NCOA3: variants seen among roughly 807,000 people sequenced by gnomAD.
NCOA3 encodes nuclear receptor coactivator 3.
NCOA3 carries 51 observed loss-of-function variants against 158.8 expected under a neutral mutation model. The observed-to-expected ratio is 0.32, with a 90% CI of 0.26 to 0.41. NCOA3 has a LOEUF of 0.41. NCOA3 is among the 10% of genes least tolerant of loss of function. NCOA3 has a pLI of 1.00. For synonymous variants in NCOA3, 537 were observed against 592.4 expected (o/e 0.91, Z 1.36); for missense variants, 1,510 against 1,746.6 (o/e 0.86, Z 2.41).
At chr20:47,579,157 C>G (rs1353690100) in intron 1 of NCOA3, among the ~76,000 whole-genome samples, 1 of 152,142 alleles carries the variant, frequency 6.6e-6, no homozygotes, top group African/African-American at 2.4e-5. Flanking sequence ...AAACCTAAAA[C>G]TAAAACAGGG....
intron 2 of NCOA3, 112 bp downstream of exon 2, chr20:47,583,373 GT>G (rs2085483882): frequency 7.7e-6 from 3 of 391,274 alleles, no homozygotes; most frequent in Non-Finnish European, 1.4e-5. Context: ...TATGCTTCAT[GT>G]TTTTCTCTTT....
chr20:47,569,689 C>T (rs1309026461), intron 1 of NCOA3, among the ~76,000 whole-genome samples: 1 of 150,132 alleles, frequency 6.7e-6, no homozygotes, highest in Non-Finnish European at 1.5e-5. Context: ...TCAACAACAG[C>T]AACAACAAAA....
chr20:47,644,247 C>G (rs377139921), intron 17 of NCOA3, among the ~76,000 whole-genome samples: 18 of 152,064 alleles, frequency 1.2e-4, no homozygotes, highest in African/African-American at 4.1e-4. Flanking sequence ...TCAAGCCATT[C>G]TCCTGCCTCA....
At chr20:47,577,681 T>G (rs1057444137) in intron 1 of NCOA3, among the ~76,000 whole-genome samples, 2 of 152,220 alleles carry the variant, frequency 1.3e-5, no homozygotes, top group Admixed American at 1.3e-4. Context: ...CAAGTGCCAG[T>G]GCAGTGCCTG....
intron 1 of NCOA3, among the ~76,000 whole-genome samples, chr20:47,553,840 A>G (rs1244391636): frequency 6.6e-6 from 1 of 152,072 alleles, no homozygotes; most frequent in African/African-American, 2.4e-5. Context: ...GCTATTGTGA[A>G]TAGTGCCGCA....
intron 1 of NCOA3, among the ~76,000 whole-genome samples, chr20:47,506,346 A>G (rs961650921): frequency 6.6e-6 from 1 of 152,164 alleles, no homozygotes; most frequent in Non-Finnish European, 1.5e-5. Flanking sequence ...CCCCCTAACA[A>G]ATTATGGAAT....
At chr20:47,645,415 G>A (rs772308506) in intron 17 of NCOA3, among the ~76,000 whole-genome samples, 1 of 151,920 alleles carries the variant, frequency 6.6e-6, no homozygotes, top group Non-Finnish European at 1.5e-5. Context: ...ACATTTGCTT[G>A]TTTTTCATAT....
intron 1 of NCOA3, among the ~76,000 whole-genome samples, chr20:47,520,767 G>A (rs1295862218): frequency 6.6e-6 from 1 of 152,156 alleles, no homozygotes; most frequent in East Asian, 1.9e-4. Flanking sequence ...CCCCTCTGAA[G>A]GTCCTTTGCG....
intron 1 of NCOA3, among the ~76,000 whole-genome samples, chr20:47,555,323 A>C (rs1044412596): frequency 6.6e-6 from 1 of 152,216 alleles, no homozygotes; most frequent in Non-Finnish European, 1.5e-5. Flanking sequence ...AGGCAACATG[A>C]TCTAGAAAAA....
At chr20:47,549,281 G>T (rs2084891188) in intron 1 of NCOA3, among the ~76,000 whole-genome samples, 1 of 151,902 alleles carries the variant, frequency 6.6e-6, no homozygotes, top group African/African-American at 2.4e-5. Context: ...CAGCACATTG[G>T]GAGGCTGAGG....
intron 1 of NCOA3, among the ~76,000 whole-genome samples, chr20:47,580,006 C>G (rs1244507500): frequency 6.6e-6 from 1 of 152,150 alleles, no homozygotes; most frequent in Non-Finnish European, 1.5e-5. Context: ...TTCGCTGTTC[C>G]TCAGTTTGAT....
chr20:47,652,480 G>A lies in NCOA3; in HGVS notation c.4021G>A (p.Gly1341Ser). 3 of 1,614,022 alleles carry A rather than the reference G, an allele frequency of 1.9e-6. No homozygotes were observed. The highest frequency in any genetic ancestry group is 2.5e-6 in the Non-Finnish European group (3 of 1,179,912). Residue 1341 changes from glycine (G) to serine (S), a missense_variant, in exon 21 of 23, where the codon GGT (glycine) becomes AGT (serine). This residue lies in a region of NCOA3 where 180 missense variants were observed against 199.3 expected (regional missense o/e 0.90). Coordinates refer to ENST00000371998, the MANE Select transcript of NCOA3 (RefSeq NM_181659.3). ...CAATGCAATGATGTCGTCAAGAATG[G>A]GTCCCTCCCAGAATCCCATGATGCA... ...PPNAMMSSRMGPSQNPMMQHP... is the reference protein window; with the variant it reads ...PPNAMMSSRMSPSQNPMMQHP...
chr20:47,508,167 G>A (rs1037484658), intron 1 of NCOA3, among the ~76,000 whole-genome samples: 1 of 152,112 alleles, frequency 6.6e-6, no homozygotes, highest in African/African-American at 2.4e-5. Flanking sequence ...CTGTTCTTAT[G>A]CTTGGCCAGA....
chr20:47,570,982 A>ATGTGTGTGTGTGTGTG (rs1224807146), intron 1 of NCOA3, among the ~76,000 whole-genome samples: 2 of 80,504 alleles, frequency 2.5e-5, no homozygotes, highest in African/African-American at 4.8e-5. Context: ...GTATATACAT[A>ATGTGTGTGTGTGTGTG]TATGTGTGTG....
At chr20:47,557,547 A>G (rs146090301) in intron 1 of NCOA3, among the ~76,000 whole-genome samples, 1 of 152,314 alleles carries the variant, frequency 6.6e-6, no homozygotes, top group East Asian at 1.9e-4. Flanking sequence ...ACTGTTTCTA[A>G]TATTGAGAGG....
At chr20:47,566,123 A>T (rs1041677035) in intron 1 of NCOA3, among the ~76,000 whole-genome samples, 1 of 152,022 alleles carries the variant, frequency 6.6e-6, no homozygotes, top group African/African-American at 2.4e-5. Flanking sequence ...GGCTTTCATC[A>T]TGTTGGCCAG....
intron 2 of NCOA3, among the ~76,000 whole-genome samples, chr20:47,615,450 C>T (rs67062062): frequency 0.11 from 16,684 of 152,104 alleles, 1,137 homozygotes; most frequent in Middle Eastern, 0.18. Flanking sequence ...GTCCATTTAG[C>T]TAATTTGCTG....
At chr20:47,605,366 AT>A (rs1602473847) in intron 2 of NCOA3, among the ~76,000 whole-genome samples, 1 of 151,986 alleles carries the variant, frequency 6.6e-6, no homozygotes, top group East Asian at 1.9e-4. Flanking sequence ...TATTATTGCA[AT>A]GTTGGTGATA....
chr20:47,570,720 C>G (rs1277511173), intron 1 of NCOA3, among the ~76,000 whole-genome samples: 2 of 152,014 alleles, frequency 1.3e-5, no homozygotes, highest in Non-Finnish European at 2.9e-5. Flanking sequence ...GAAAGATTCA[C>G]TTTGCCCATA....
Sources: allele counts gnomAD v4.1 joint callset (sites outside exome capture counted in the v4.1 genomes callset), GRCh38; gene constraint gnomAD v4.1.1; regional missense constraint gnomAD v4.1.1; transcripts MANE v1.5; gene names NCBI Gene and HGNC (gene_info 2026-07-23, HGNC 2026-07-21).